Variants in TBC1D22A observed in about 807,000 individuals in gnomAD.
The protein encoded by TBC1D22A is putative GTPase activator.
In TBC1D22A, 38 loss-of-function variants were observed where a neutral mutation model predicts 60.2. That is an observed-to-expected ratio of 0.63 (90% CI 0.49 to 0.83). TBC1D22A has a LOEUF of 0.83. TBC1D22A is among the 40% of genes least tolerant of loss of function. The pLI is 0.00. For missense variants in TBC1D22A, 628 were observed against 701.0 expected (o/e 0.90, Z 1.18); for synonymous variants, 302 against 281.7 (o/e 1.07, Z -0.72).
At chr22:46,949,527 G>A (rs940171774) in intron 8 of TBC1D22A, among the ~76,000 whole-genome samples, 1 of 152,184 alleles carries the variant, frequency 6.6e-6, no homozygotes, top group Admixed American at 6.5e-5. Flanking sequence ...TGTAGATCTG[G>A]GGTATGTCTG....
At chr22:47,026,445 A>G (rs1016761317) in intron 10 of TBC1D22A, among the ~76,000 whole-genome samples, 2 of 152,214 alleles carry the variant, frequency 1.3e-5, no homozygotes, top group East Asian at 3.8e-4. Flanking sequence ...TGGCATCTAG[A>G]CCAAAAAGGA....
chr22:46,793,427 TG>T, intron 2 of TBC1D22A, 73 bp from the exon 3 acceptor site: 1 of 1,453,566 alleles, frequency 6.9e-7, no homozygotes, highest in Non-Finnish European at 9.5e-7. Context: ...TCTTTTCACC[TG>T]GGAATTCTTT....
At chr22:47,004,492 C>T (rs927652978) in intron 10 of TBC1D22A, among the ~76,000 whole-genome samples, 5 of 150,284 alleles carry the variant, frequency 3.3e-5, no homozygotes, top group Non-Finnish European at 5.9e-5. Context: ...TGCACACATG[C>T]CTATACACAC....
rs181212887 is a variant in TBC1D22A at position 47,030,897 on chromosome 22, G to A, written c.1202-6174G>A. On this transcript the variant is annotated intron_variant, in intron 10 of 12. Coordinates refer to ENST00000337137, the MANE Select transcript of TBC1D22A (RefSeq NM_014346.5). The stretch of plus-strand genomic sequence containing the variant: ...AGACGGGAGGAGGCTTTCCCGCTGG[G>A]GATGCACGTCCCGGCGGGGTGAGGC... Among the ~76,000 whole-genome samples the A allele has an allele frequency of 2.6e-5, 4 of 152,372 alleles. No homozygotes were observed. In the East Asian group the frequency reaches 5.8e-4, roughly 22 times the overall value.
chr22:46,796,805 G>A (rs2084673716), intron 3 of TBC1D22A, among the ~76,000 whole-genome samples: 1 of 152,212 alleles, frequency 6.6e-6, no homozygotes, highest in Non-Finnish European at 1.5e-5. Flanking sequence ...TGGGGTCTGG[G>A]AAGGTGCCAT....
At chr22:47,110,595 C>T (rs552681025) in intron 11 of TBC1D22A, among the ~76,000 whole-genome samples, 1 of 152,354 alleles carries the variant, frequency 6.6e-6, no homozygotes, top group Non-Finnish European at 1.5e-5. Flanking sequence ...ACACAAACCC[C>T]CTTGCTGTTC....
chr22:46,946,528 T>C (rs2072554249), intron 8 of TBC1D22A, among the ~76,000 whole-genome samples: 2 of 152,116 alleles, frequency 1.3e-5, no homozygotes, highest in African/African-American at 4.8e-5. Context: ...AGCTGTAAGA[T>C]CCAAGGGCAC....
In TBC1D22A at chr22:46,772,680, C is replaced by T. The variant is rs182633664; in HGVS notation, c.62+9832C>T. The stretch of plus-strand genomic sequence containing the variant: ...TTTTTTTTTTGAGATGGGAGTCTCA[C>T]TCTATCACCAGGCTGGAGTGCAGTG... On this transcript the variant is annotated intron_variant, in intron 1 of 12. Coordinates refer to ENST00000337137, the MANE Select transcript of TBC1D22A (RefSeq NM_014346.5). Among the ~76,000 whole-genome samples, 244 of 139,332 alleles carry T rather than the reference C, an allele frequency of 1.8e-3. 9 individuals carry two copies. Among genetic ancestry groups the T allele is most frequent in the African/African-American group, 6.2e-3 (230 of 36,926 alleles). 91.4% of individuals were successfully genotyped at this position (139,332 alleles called of 152,430 possible). A position where few individuals can be genotyped will look rare whatever the true frequency, so the allele number is the denominator to read the frequency against.
intron 1 of TBC1D22A, among the ~76,000 whole-genome samples, chr22:46,766,913 C>T (rs1427835731): frequency 6.6e-6 from 1 of 152,168 alleles, no homozygotes; most frequent in East Asian, 1.9e-4. Context: ...GTGCCTCTGG[C>T]TTCCTGTTCT....
intron 8 of TBC1D22A, among the ~76,000 whole-genome samples, chr22:46,927,453 C>G (rs1467401973): frequency 1.3e-5 from 2 of 152,186 alleles, no homozygotes; most frequent in Non-Finnish European, 2.9e-5. Context: ...AGAACTTCCT[C>G]TCTAATAAAG....
chr22:47,073,712 C>G (rs2064095923), intron 11 of TBC1D22A, among the ~76,000 whole-genome samples: 1 of 152,178 alleles, frequency 6.6e-6, no homozygotes, highest in Admixed American at 6.5e-5. Context: ...AAAATCGCAC[C>G]AGACACTCAT....
intron 12 of TBC1D22A, among the ~76,000 whole-genome samples, chr22:47,164,457 G>A (rs547696437): frequency 1.1e-4 from 16 of 152,320 alleles, no homozygotes; most frequent in South Asian, 2.1e-4. Flanking sequence ...GAGGTTTTTC[G>A]GCGAGGGTCC....
Position 47,022,601 on chromosome 22 carries a change from G to A in TBC1D22A, c.1202-14470G>A, listed in dbSNP as rs78221946. Among the ~76,000 whole-genome samples the A allele has an allele frequency of 3.2e-3, 482 of 152,126 alleles. 2 individuals carry two copies. The highest frequency in any genetic ancestry group is 0.011 in the African/African-American group (462 of 41,498). ...AAACAAAAACACCAAAGCTCTGCACGGGTTCCTTTCAGGTATTAAGCTGAA... is the reference window on the plus strand; with the variant it reads ...AAACAAAAACACCAAAGCTCTGCACAGGTTCCTTTCAGGTATTAAGCTGAA... On this transcript the variant is annotated intron_variant, in intron 10 of 12. Coordinates refer to ENST00000337137, the MANE Select transcript of TBC1D22A (RefSeq NM_014346.5).
chr22:47,165,879 C>T (rs1287672824), intron 12 of TBC1D22A, among the ~76,000 whole-genome samples: 3 of 152,134 alleles, frequency 2.0e-5, no homozygotes, highest in South Asian at 2.1e-4. Context: ...GCTGCACACG[C>T]GGAGTGTCAG....
chr22:47,135,539 C>T (rs941625752), intron 12 of TBC1D22A, among the ~76,000 whole-genome samples: 2 of 152,130 alleles, frequency 1.3e-5, no homozygotes, highest in South Asian at 4.2e-4. Context: ...ACTCGGGGGG[C>T]GCAGGTGCCA....
intron 3 of TBC1D22A, among the ~76,000 whole-genome samples, chr22:46,795,022 C>T (rs997246830): frequency 1.8e-4 from 28 of 152,238 alleles, no homozygotes; most frequent in African/African-American, 4.8e-4. Context: ...AATTGGTTAA[C>T]TTCTAAAATG....
intron 11 of TBC1D22A, among the ~76,000 whole-genome samples, chr22:47,102,095 T>C (rs113997031): frequency 3.5e-3 from 534 of 152,324 alleles, no homozygotes; most frequent in African/African-American, 0.012. Flanking sequence ...CAACCCCCAC[T>C]TGCCGTTGCT....
At chr22:47,165,573 T>G (rs1185014294) in intron 12 of TBC1D22A, among the ~76,000 whole-genome samples, 1 of 152,046 alleles carries the variant, frequency 6.6e-6, no homozygotes, top group East Asian at 1.9e-4. Flanking sequence ...CCCGCCCCAC[T>G]GCCCCCGACA....
intron 11 of TBC1D22A, among the ~76,000 whole-genome samples, chr22:47,057,218 C>T (rs1490483648): frequency 2.0e-5 from 3 of 152,222 alleles, no homozygotes; most frequent in African/African-American, 7.2e-5. Flanking sequence ...TTGAGGCTGC[C>T]GCAAATGAGC....
Sources: allele counts gnomAD v4.1 joint callset (sites outside exome capture counted in the v4.1 genomes callset), GRCh38; gene constraint gnomAD v4.1.1; transcripts MANE v1.5; gene names NCBI Gene and HGNC (gene_info 2026-07-23, HGNC 2026-07-21).